SPOCK1: variants seen among roughly 807,000 people sequenced by gnomAD.
The protein encoded by SPOCK1 is SPARC (osteonectin), cwcv and kazal like domains proteoglycan 1.
SPOCK1 carries 23 observed loss-of-function variants against 55.3 expected under a neutral mutation model. That is an observed-to-expected ratio of 0.42 (90% CI 0.30 to 0.59). The LOEUF is 0.59. Ranked by LOEUF, SPOCK1 falls within the 20% of genes least tolerant of loss-of-function variation. The pLI is 0.22. For missense variants in SPOCK1, 499 were observed against 552.5 expected (o/e 0.90, Z 0.97); for synonymous variants, 226 against 221.0 (o/e 1.02, Z -0.20).
At chr5:137,166,241 T>C (rs1325568322) in intron 3 of SPOCK1, among the ~76,000 whole-genome samples, 1 of 152,012 alleles carries the variant, frequency 6.6e-6, no homozygotes, top group Admixed American at 6.6e-5. Flanking sequence ...GGAAACCTTA[T>C]AGGCCAGGAG....
Position 137,409,406 on chromosome 5 carries a change from G to A in SPOCK1, c.186+88967C>T, listed in dbSNP as rs190023350. ...GGCTGCCATGGGATAAGGCTGAAGA[G>A]TGCTGGGCTAAAGGAAATCTGGAGG... On this transcript the variant is annotated intron_variant, in intron 2 of 10. Transcript: ENST00000394945. Among the ~76,000 whole-genome samples, 9 of 152,276 alleles carry A rather than the reference G, an allele frequency of 5.9e-5. No individual in the cohort carries two copies. In the East Asian group the frequency reaches 1.7e-3, roughly 29 times the overall value.
chr5:137,122,763 A>T (rs1351355068), intron 4 of SPOCK1, among the ~76,000 whole-genome samples: 1 of 152,246 alleles, frequency 6.6e-6, no homozygotes, highest in Non-Finnish European at 1.5e-5. Flanking sequence ...AGGTGTGCAT[A>T]CAAAGGTTGG....
At chr5:137,298,514 T>C (rs1400255142) in intron 2 of SPOCK1, among the ~76,000 whole-genome samples, 2 of 152,222 alleles carry the variant, frequency 1.3e-5, no homozygotes, top group Admixed American at 6.5e-5. Context: ...GTCAAGATGG[T>C]TGATTGCATT....
intron 3 of SPOCK1, among the ~76,000 whole-genome samples, chr5:137,250,486 A>AT (rs1420005145): frequency 1.3e-5 from 2 of 152,058 alleles, no homozygotes; most frequent in Non-Finnish European, 2.9e-5. Flanking sequence ...TGAAATCAGG[A>AT]TTTTTTTTAA....
At chr5:137,063,804 C>T (rs139719809) in intron 6 of SPOCK1, among the ~76,000 whole-genome samples, 5 of 152,216 alleles carry the variant, frequency 3.3e-5, no homozygotes, top group Admixed American at 6.5e-5. Context: ...TGAGGCAAGC[C>T]TCATAAAACT....
intron 2 of SPOCK1, among the ~76,000 whole-genome samples, chr5:137,428,033 T>C (rs959806309): frequency 9.2e-5 from 14 of 152,080 alleles, no homozygotes; most frequent in Non-Finnish European, 1.6e-4. Flanking sequence ...TACTTGTACC[T>C]GCACTGTAGA....
At chr5:137,160,660 AAT>A (rs1438200952) in intron 3 of SPOCK1, among the ~76,000 whole-genome samples, 2 of 85,720 alleles carry the variant, frequency 2.3e-5, no homozygotes, top group African/African-American at 1.2e-4. Context: ...TATAATATAC[AAT>A]ATATAATATA....
At chr5:136,998,069 G>GT (rs1334507180) in intron 6 of SPOCK1, among the ~76,000 whole-genome samples, 1 of 151,820 alleles carries the variant, frequency 6.6e-6, no homozygotes, top group Non-Finnish European at 1.5e-5. Flanking sequence ...GACAATATTA[G>GT]TAAAACATAG....
intron 4 of SPOCK1, among the ~76,000 whole-genome samples, chr5:137,115,249 G>A (rs183970289): frequency 3.9e-5 from 6 of 152,184 alleles, no homozygotes; most frequent in Admixed American, 3.9e-4. Flanking sequence ...CAAAATCACA[G>A]AATGTCAGAA....
intron 6 of SPOCK1, among the ~76,000 whole-genome samples, chr5:137,030,687 C>T (rs1381342431): frequency 6.6e-6 from 1 of 152,134 alleles, no homozygotes; most frequent in Non-Finnish European, 1.5e-5. Context: ...ATGTTGGTAG[C>T]ATGGATGGAT....
At chr5:137,281,915 C>T (rs1757171638) in intron 2 of SPOCK1, among the ~76,000 whole-genome samples, 1 of 152,198 alleles carries the variant, frequency 6.6e-6, no homozygotes, top group African/African-American at 2.4e-5. Context: ...GTTTCCTGGT[C>T]TAAAACATGA....
chr5:137,039,531 A>G (rs1350069500), intron 6 of SPOCK1, among the ~76,000 whole-genome samples: 2 of 152,248 alleles, frequency 1.3e-5, no homozygotes, highest in East Asian at 3.9e-4. Flanking sequence ...GCAAATTCAG[A>G]TTACAAGCTA....
chr5:137,062,637 G>T (rs542445632), intron 6 of SPOCK1, among the ~76,000 whole-genome samples: 1 of 151,910 alleles, frequency 6.6e-6, no homozygotes, highest in African/African-American at 2.4e-5. Context: ...TGGAGCTGAA[G>T]AATTCAGGTC....
chr5:137,088,918 A>C (rs1321423525), intron 5 of SPOCK1, among the ~76,000 whole-genome samples: 1 of 152,176 alleles, frequency 6.6e-6, no homozygotes, highest in Non-Finnish European at 1.5e-5. Flanking sequence ...AGGTTAAGAA[A>C]CAGGTTTAGA....
chr5:137,070,631 C>T (rs1249946291), intron 5 of SPOCK1, among the ~76,000 whole-genome samples: 1 of 152,218 alleles, frequency 6.6e-6, no homozygotes, highest in Non-Finnish European at 1.5e-5. Flanking sequence ...TCATCCTAAA[C>T]CATCCTTTAC....
chr5:137,207,588 G>A (rs1198172763), intron 3 of SPOCK1, among the ~76,000 whole-genome samples: 1 of 152,084 alleles, frequency 6.6e-6, no homozygotes, highest in Non-Finnish European at 1.5e-5. Flanking sequence ...CACCACTGTG[G>A]GTGGACTTAA....
At chr5:137,218,273 G>T (rs1472699242) in intron 3 of SPOCK1, among the ~76,000 whole-genome samples, 1 of 152,222 alleles carries the variant, frequency 6.6e-6, no homozygotes, top group Non-Finnish European at 1.5e-5. Flanking sequence ...TGGGTTGATG[G>T]TAAGATCTCC....
At chr5:137,123,442 A>C (rs1186044442) in intron 4 of SPOCK1, among the ~76,000 whole-genome samples, 1 of 152,158 alleles carries the variant, frequency 6.6e-6, no homozygotes, top group Non-Finnish European at 1.5e-5. Flanking sequence ...CCAGCCACTC[A>C]AACATAGCTG....
chr5:137,100,396 G>A (rs1753238995), intron 5 of SPOCK1, among the ~76,000 whole-genome samples: 1 of 152,190 alleles, frequency 6.6e-6, no homozygotes. Flanking sequence ...GAGAAGCCAG[G>A]TGGCTGGACT....
Sources: allele counts gnomAD v4.1 joint callset (sites outside exome capture counted in the v4.1 genomes callset), GRCh38; gene constraint gnomAD v4.1.1; transcripts MANE v1.5; gene names NCBI Gene and HGNC (gene_info 2026-07-23, HGNC 2026-07-21).